The following GLRA3 variants were observed in gnomAD, a reference collection of about 807,000 sequenced individuals.
GLRA3 encodes glycine receptor subunit alpha-3.
GLRA3 carries 44 observed loss-of-function variants against 60.4 expected under a neutral mutation model. That is an observed-to-expected ratio of 0.73 (90% CI 0.57 to 0.94). The LOEUF (loss-of-function observed/expected upper bound fraction) is 0.94, where lower values mean the gene tolerates loss of function less well. Ranked by LOEUF, GLRA3 falls within the 40% of genes least tolerant of loss-of-function variation. GLRA3 has a pLI of 0.00. For missense variants in GLRA3, 508 were observed against 564.6 expected, an observed-to-expected ratio of 0.90 and a Z score of 1.02; for synonymous variants, 223 against 192.9, an observed-to-expected ratio of 1.16 and a Z score of -1.29.
chr4:174,677,889 A>C (rs2110957410), intron 6 of GLRA3, among the ~76,000 whole-genome samples: 1 of 152,262 alleles, frequency 6.6e-6, no homozygotes, highest in South Asian at 2.1e-4. Context: ...GATTACGACA[A>C]TTGCTTCTGA....
At chr4:174,771,164 A>G (rs534263814) in intron 2 of GLRA3, among the ~76,000 whole-genome samples, 2 of 152,060 alleles carry the variant, frequency 1.3e-5, no homozygotes, top group Admixed American at 1.3e-4. Flanking sequence ...GCACACCAAC[A>G]TGGCACATGT....
intron 7 of GLRA3, among the ~76,000 whole-genome samples, chr4:174,671,840 G>A (rs1170379964): frequency 6.6e-6 from 1 of 151,994 alleles, no homozygotes; most frequent in South Asian, 2.1e-4. Flanking sequence ...TAGTAGAGAC[G>A]GGGTTTTGCC....
chr4:174,664,540 T>G (rs536192799), intron 7 of GLRA3, among the ~76,000 whole-genome samples: 16 of 152,304 alleles, frequency 1.1e-4, no homozygotes, highest in African/African-American at 3.6e-4. Context: ...TTTTCAAAGA[T>G]TCAGCCCTGT....
chr4:174,783,107 G>T (rs1738958818), intron 2 of GLRA3, among the ~76,000 whole-genome samples: 1 of 152,212 alleles, frequency 6.6e-6, no homozygotes, highest in South Asian at 2.1e-4. Context: ...CATGGTACTG[G>T]TACCAAAACA....
At chr4:174,663,828 C>G (rs1248690998) in intron 7 of GLRA3, among the ~76,000 whole-genome samples, 1 of 152,176 alleles carries the variant, frequency 6.6e-6, no homozygotes, top group African/African-American at 2.4e-5. Context: ...CTTTGCTCCC[C>G]CTCCTGTATG....
chr4:174,798,419 C>G (rs1365150306), intron 1 of GLRA3, among the ~76,000 whole-genome samples: 4 of 152,044 alleles, frequency 2.6e-5, no homozygotes, highest in African/African-American at 4.8e-5. Context: ...AAGATATGAG[C>G]CTTTTACCCA....
intron 1 of GLRA3, among the ~76,000 whole-genome samples, chr4:174,808,990 C>G (rs1329982524): frequency 2.0e-5 from 3 of 152,130 alleles, no homozygotes; most frequent in African/African-American, 7.2e-5. Flanking sequence ...CCTAAGGGCA[C>G]AGTGTTTAAA....
chr4:174,680,498 C>A (rs1051134516), intron 6 of GLRA3, among the ~76,000 whole-genome samples: 1 of 152,068 alleles, frequency 6.6e-6, no homozygotes, highest in African/African-American at 2.4e-5. Flanking sequence ...ATTTGAATAA[C>A]CCTGAAGAAA....
At position 174,637,317 on chromosome 4, in the gene GLRA3, T is replaced by A. The variant is rs971005454; in HGVS notation, c.*6469A>T. 1 of 152,210 alleles carries A rather than the reference T, an allele frequency of 6.6e-6. No individual in the cohort carries two copies. Among genetic ancestry groups the A allele is most frequent in the Non-Finnish European group, 1.5e-5 (1 of 68,036 alleles). 9.4% of individuals were successfully genotyped at this position (152,210 alleles called of 1,614,324 possible). On this transcript the variant is annotated 3_prime_UTR_variant, in exon 10 of 10. Transcript: ENST00000274093. ...TGGAAAATATATGGCACATTTTCTT[T>A]TTGTTTTGTTTTTCATAGCATATCA...
At chr4:174,786,850 T>C (rs944664022) in intron 2 of GLRA3, among the ~76,000 whole-genome samples, 2 of 152,074 alleles carry the variant, frequency 1.3e-5, no homozygotes, top group Non-Finnish European at 2.9e-5. Context: ...TGAGAGAAAA[T>C]CTTCCTTTTT....
At position 174,669,089 on chromosome 4, in the gene GLRA3, T is replaced by C. The variant is rs1203266877; in HGVS notation, c.927+7989A>G. Among the ~76,000 whole-genome samples, 5 of 152,046 alleles carry C rather than the reference T, an allele frequency of 3.3e-5. No homozygotes were observed. In the East Asian group the frequency reaches 9.7e-4, roughly 29 times the overall value. On this transcript the variant is annotated intron_variant, in intron 7 of 9. Coordinates refer to ENST00000274093, the MANE Select transcript of GLRA3 (RefSeq NM_006529.4). Reference sequence around the variant, plus strand: ...TATGCCTTGTTTTGTGAGGTTTTAATTTCAGATCTCATTGACTATTCATTT... The same window carrying C: ...TATGCCTTGTTTTGTGAGGTTTTAACTTCAGATCTCATTGACTATTCATTT...
At chr4:174,754,674 G>T (rs1215576628) in intron 3 of GLRA3, among the ~76,000 whole-genome samples, 1 of 152,028 alleles carries the variant, frequency 6.6e-6, no homozygotes, top group Admixed American at 6.6e-5. Context: ...AGGACCAATG[G>T]CACATTTTAG....
intron 7 of GLRA3, among the ~76,000 whole-genome samples, chr4:174,660,140 C>A (rs560307621): frequency 6.6e-5 from 10 of 152,014 alleles, no homozygotes; most frequent in South Asian, 2.1e-4. Context: ...TCAACAAAAT[C>A]AAAAATTTGA....
chr4:174,723,747 C>A (rs1480328569), intron 4 of GLRA3, among the ~76,000 whole-genome samples: 2 of 151,486 alleles, frequency 1.3e-5, no homozygotes, highest in Non-Finnish European at 3.0e-5. Context: ...TTATTTATAC[C>A]CTGTCATGGG....
intron 9 of GLRA3, among the ~76,000 whole-genome samples, chr4:174,650,247 G>C (rs997966042): frequency 6.6e-6 from 1 of 152,144 alleles, no homozygotes; most frequent in African/African-American, 2.4e-5. Context: ...AATTTGGCAG[G>C]TACATTTTGG....
rs903246882 is a variant in GLRA3 at position 174,642,480 on chromosome 4, T to A, written c.*1306A>T. 2.5e-5 allele frequency: 24 copies of A among 976,696 alleles called. No homozygotes were observed. The African/African-American group carries it at 4.2e-4, about 17-fold the overall frequency. The allele number at this position is 976,696 out of a possible 1,614,324, so 60.5% of individuals were successfully genotyped here. A position where few individuals can be genotyped will look rare whatever the true frequency, so the allele number is the denominator to read the frequency against. On this transcript the variant is annotated 3_prime_UTR_variant, in exon 10 of 10. Coordinates refer to ENST00000274093, the MANE Select transcript of GLRA3 (RefSeq NM_006529.4). ...AAAAAATAGCAAAACTGAAAAAGAG[T>A]CAGAGTCTGGTTCTGTTTACCAAGA...
intron 3 of GLRA3, among the ~76,000 whole-genome samples, chr4:174,756,976 C>T (rs574823017): frequency 2.0e-5 from 3 of 152,140 alleles, no homozygotes; most frequent in Non-Finnish European, 2.9e-5. Context: ...AAATGCTGTG[C>T]GCTTTTCAAC....
At chr4:174,707,549 G>C (rs748219706) in intron 5 of GLRA3, among the ~76,000 whole-genome samples, 1 of 151,974 alleles carries the variant, frequency 6.6e-6, no homozygotes, top group Non-Finnish European at 1.5e-5. Flanking sequence ...CTGCAGTCTC[G>C]GTTTAGGCCA....
intron 2 of GLRA3, among the ~76,000 whole-genome samples, chr4:174,776,399 T>C (rs2111262034): frequency 6.6e-6 from 1 of 152,202 alleles, no homozygotes; most frequent in African/African-American, 2.4e-5. Context: ...AGACATTCTA[T>C]CACACATAAG....
Sources: allele counts gnomAD v4.1 joint callset (sites outside exome capture counted in the v4.1 genomes callset), GRCh38; gene constraint gnomAD v4.1.1; transcripts MANE v1.5; gene names NCBI Gene and HGNC (gene_info 2026-07-23, HGNC 2026-07-21).